Variants in UBE2S observed in about 807,000 individuals in gnomAD.
UBE2S encodes ubiquitin-conjugating enzyme E2 S.
UBE2S carries 3 observed loss-of-function variants against 12.3 expected under a neutral mutation model. The observed-to-expected ratio is 0.24, with a 90% CI of 0.11 to 0.63. The LOEUF is 0.63. Ranked by LOEUF, UBE2S falls within the 30% of genes least tolerant of loss-of-function variation. UBE2S has a pLI of 0.85. For synonymous variants in UBE2S, 133 were observed against 142.0 expected (o/e 0.94, Z 0.45); for missense variants, 211 against 313.9 (o/e 0.67, Z 2.48).
chr19:55,405,724 G>A (rs1231397624), intron 2 of UBE2S, among the ~76,000 whole-genome samples: 1 of 152,120 alleles, frequency 6.6e-6, no homozygotes, highest in Non-Finnish European at 1.5e-5. Context: ...TTTCCTATAA[G>A]ATGCCCATTT....
intron 1 of UBE2S, 121 bp downstream of exon 1, chr19:55,407,466 C>A: frequency 8.8e-7 from 1 of 1,134,822 alleles, no homozygotes; most frequent in South Asian, 1.6e-5. Context: ...CATCCCGGGT[C>A]AGGGACCCCC....
Position 55,401,102 on chromosome 19 carries a change from C to T in UBE2S, c.*334G>A, listed in dbSNP as rs1371063328. On this transcript the variant is annotated 3_prime_UTR_variant, in exon 4 of 4. Coordinates refer to ENST00000264552, the MANE Select transcript of UBE2S (RefSeq NM_014501.3). ...ACTCCAAAGAGGGGTTGTGACCGCTCTACCTCCACAGAACAAAGAGGTGGA... is the reference window on the plus strand; with the variant it reads ...ACTCCAAAGAGGGGTTGTGACCGCTTTACCTCCACAGAACAAAGAGGTGGA... 2 of 360,920 alleles carry T rather than the reference C, an allele frequency of 5.5e-6. No homozygotes were observed. The highest frequency in any genetic ancestry group is 1.0e-5 in the Non-Finnish European group (2 of 197,648). The allele number at this position is 360,920 out of a possible 1,614,324, so 22.4% of individuals were successfully genotyped here. A position where few individuals can be genotyped will look rare whatever the true frequency, so the allele number is the denominator to read the frequency against.
chr19:55,407,472 C>T (rs1207524453), intron 1 of UBE2S, 115 bp downstream of exon 1: 1 of 1,181,666 alleles, frequency 8.5e-7, no homozygotes, highest in Non-Finnish European at 1.1e-6. Context: ...GGGTCAGGGA[C>T]CCCCAGGCTG....
intron 3 of UBE2S, chr19:55,402,980 G>T (rs1179563935): frequency 6.5e-7 from 1 of 1,534,930 alleles, no homozygotes; most frequent in South Asian, 1.2e-5. Flanking sequence ...GCTGTAAGCA[G>T]CCTGGAGCAC....
intron 3 of UBE2S, among the ~76,000 whole-genome samples, chr19:55,402,605 A>C (rs936379177): frequency 6.6e-6 from 1 of 152,212 alleles, no homozygotes; most frequent in Non-Finnish European, 1.5e-5. Flanking sequence ...CTCAGCAGAT[A>C]TCACTGATGG....
At position 55,401,724 on chromosome 19, in the gene UBE2S, A is replaced by C. The variant is rs1396840500; in HGVS notation, c.381T>G (p.Ser127=). ...KCLLIHPNPE[S]ALNEEAGRLL... is the part of the protein sequence containing the mutation. Reference sequence around the variant, plus strand: ...GGCGGCCCGCCTCCTCGTTGAGTGCAGACTCGGGGTTAGGGTGGATCAGCA... The same window carrying C: ...GGCGGCCCGCCTCCTCGTTGAGTGCCGACTCGGGGTTAGGGTGGATCAGCA... Residue 127 remains serine (S), a synonymous_variant, in exon 4 of 4, where the codon TCT becomes TCG. Coordinates refer to ENST00000264552, the MANE Select transcript of UBE2S (RefSeq NM_014501.3). 6 of 1,613,278 alleles carry C rather than the reference A, an allele frequency of 3.7e-6. No individual in the cohort carries two copies. The East Asian group carries it at 1.1e-4, about 30-fold the overall frequency.
chr19:55,403,658 A>C (rs529716167), intron 3 of UBE2S, among the ~76,000 whole-genome samples: 1 of 152,144 alleles, frequency 6.6e-6, no homozygotes, highest in East Asian at 1.9e-4. Flanking sequence ...TGGGAGGCCG[A>C]GGTGGGAGGA....
intron 1 of UBE2S, 105 bp downstream of exon 1, chr19:55,407,482 G>A (rs2090104138): frequency 7.8e-7 from 1 of 1,274,346 alleles, no homozygotes; most frequent in Admixed American, 2.9e-5. Context: ...CCCCCAGGCT[G>A]GCCCTCAAAC....
Position 55,401,715 on chromosome 19 carries a change from G to A in UBE2S, c.390C>T (p.Asn130=), listed in dbSNP as rs754566755. 414 of 1,613,400 alleles carry A rather than the reference G, an allele frequency of 2.6e-4. No individual in the cohort carries two copies. The highest frequency in any genetic ancestry group is 3.4e-4 in the Non-Finnish European group (399 of 1,180,014). ...CCAAGAGCAGGCGGCCCGCCTCCTC[G>A]TTGAGTGCAGACTCGGGGTTAGGGT... ...LIHPNPESAL[N]EEAGRLLLEN... The change falls in exon 4 of 4, where the codon AAC becomes AAT. Residue 130 remains asparagine, a synonymous_variant. Coordinates refer to ENST00000264552, the MANE Select transcript of UBE2S (RefSeq NM_014501.3).
intron 1 of UBE2S, 47 bp downstream of exon 1, chr19:55,407,540 C>G: frequency 6.6e-7 from 1 of 1,525,628 alleles, no homozygotes; most frequent in South Asian, 1.2e-5. Flanking sequence ...CCTCCTCCCT[C>G]AGGGACACCC....
At chr19:55,402,821 G>A (rs1318109224) in intron 3 of UBE2S, 7 of 773,574 alleles carry the variant, frequency 9.0e-6, no homozygotes, top group East Asian at 2.7e-5. Flanking sequence ...AAGGGTTTGG[G>A]GTCTGTTTAC....
In UBE2S at chr19:55,404,483, A is replaced by T. The variant is rs185239500; in HGVS notation, c.152-5T>A. On this transcript the variant is annotated splice_region_variant and splice_polypyrimidine_tract_variant and intron_variant, in intron 2 of 3. Transcript: ENST00000264552. The surrounding 1 kb of genome is among the most constrained non-coding windows in gnomAD (Gnocchi z 4.4). ...CTCCAGCATATGGGGTCCCCTCTGG[A>T]GTGGAGGGAGGGGTACAGGGTCAGG... 264 of 1,600,800 alleles carry T rather than the reference A, an allele frequency of 1.6e-4. 3 individuals are homozygous for T. In the Admixed American group the frequency reaches 4.4e-3, roughly 26 times the overall value.
At chr19:55,403,128 G>T (rs1334110169) in intron 3 of UBE2S, 4 of 792,076 alleles carry the variant, frequency 5.1e-6, no homozygotes, top group Non-Finnish European at 4.3e-6. Context: ...CCCCCGAGTT[G>T]TGACAACCCT....
Position 55,401,599 on chromosome 19 carries a change from C to A in UBE2S, c.506G>T (p.Arg169Leu). Residue 169 changes from arginine to leucine, a missense_variant, in exon 4 of 4, where the codon CGG (arginine) becomes CTG (leucine). Arg to Leu is a moderately radical substitution (Grantham distance 102). Coordinates refer to ENST00000264552, the MANE Select transcript of UBE2S (RefSeq NM_014501.3). ...GGPSGRAEAG[R>L]ALASGTEASS... ...AGCTTCAGTGCCACTGGCCAGGGCC[C>A]GACCGGCTTCGGCCCTGCCGCTGGG... The A allele has an allele frequency of 6.2e-7, 1 of 1,606,374 alleles. No homozygotes were observed.
In UBE2S at chr19:55,404,757, C is replaced by T. The variant is rs1033677859; in HGVS notation, c.152-279G>A. Among the ~76,000 whole-genome samples the T allele has an allele frequency of 2.6e-5, 4 of 152,166 alleles. No individual in the cohort carries two copies. Among genetic ancestry groups the T allele is most frequent in the Non-Finnish European group, 5.9e-5 (4 of 68,012 alleles). Reference sequence around the variant, plus strand: ...CCAAGTAGCTGGGATTACGGGCATGCCACCAGGTCTGGCTACTTTTTTATT... The same window carrying T: ...CCAAGTAGCTGGGATTACGGGCATGTCACCAGGTCTGGCTACTTTTTTATT... On this transcript the variant is annotated intron_variant, in intron 2 of 3. Transcript: ENST00000264552. This position sits in a 1 kb window ranked among gnomAD's most constrained non-coding sequence, Gnocchi z 4.4.
chr19:55,406,667 C>T (rs923795982), intron 2 of UBE2S, 148 bp downstream of exon 2: 8 of 924,088 alleles, frequency 8.7e-6, no homozygotes, highest in Non-Finnish European at 1.1e-5. Context: ...ACATAATTGT[C>T]ATTTGTGGCG....
rs1449424812 is a variant in UBE2S at position 55,401,216 on chromosome 19, G to A, written c.*220C>T. On this transcript the variant is annotated 3_prime_UTR_variant, in exon 4 of 4. Coordinates refer to ENST00000264552, the MANE Select transcript of UBE2S (RefSeq NM_014501.3). The stretch of plus-strand genomic sequence containing the variant: ...TACAAGGACCCAGGGCCTGTGCAGG[G>A]GAGCCAAACTCCCAGAGCCACATGG... The A allele has an allele frequency of 1.1e-5, 7 of 609,764 alleles. No individual in the cohort carries two copies. 37.8% of individuals were successfully genotyped at this position (609,764 alleles called of 1,614,324 possible).
intron 3 of UBE2S, chr19:55,402,943 C>T: frequency 6.6e-7 from 1 of 1,515,028 alleles, no homozygotes; most frequent in Non-Finnish European, 8.8e-7. Context: ...TTTTTTTCAG[C>T]TTGCGGGAAG....
At chr19:55,405,458 G>A (rs535794961) in intron 2 of UBE2S, among the ~76,000 whole-genome samples, 156 of 152,186 alleles carry the variant, frequency 1.0e-3, no homozygotes, top group African/African-American at 3.6e-3. Context: ...GCAGTGAGCA[G>A]AGATTGTGCT....
Sources: gnomAD v4.1 joint callset for allele counts (sites outside exome capture counted in the v4.1 genomes callset) on GRCh38, gnomAD v4.1.1 for gene constraint, Gnocchi (gnomAD v3.1) non-coding constraint, MANE v1.5 for transcripts, NCBI Gene and HGNC (gene_info 2026-07-23, HGNC 2026-07-21) for gene names.